The following ARHGAP24 variants were observed in gnomAD, a reference collection of about 807,000 sequenced individuals.
The protein encoded by ARHGAP24 is rho GTPase-activating protein 24.
A neutral mutation model predicts 76.4 loss-of-function variants in ARHGAP24; 50 were observed. That is an observed-to-expected ratio of 0.65 (90% CI 0.52 to 0.83). The LOEUF (loss-of-function observed/expected upper bound fraction) is 0.83. Ranked by LOEUF, ARHGAP24 falls within the 40% of genes least tolerant of loss-of-function variation. ARHGAP24 has a pLI of 0.00. For missense variants in ARHGAP24, 930 were observed against 914.2 expected (o/e 1.02, Z -0.22); for synonymous variants, 345 against 323.3 (o/e 1.07, Z -0.72).
chr4:85,982,215 G>A (rs1262059574), intron 8 of ARHGAP24, among the ~76,000 whole-genome samples: 1 of 151,724 alleles, frequency 6.6e-6, no homozygotes, highest in Non-Finnish European at 1.5e-5. Flanking sequence ...TTAAACTCTT[G>A]TTGCAAATCT....
rs754441547 is a variant in ARHGAP24, at chr4:85,974,960, A to C, written c.805A>C (p.Arg269=). 1 of 1,613,154 alleles carries C rather than the reference A, an allele frequency of 6.2e-7. No individual in the cohort carries two copies. Among genetic ancestry groups the C allele is most frequent in the African/African-American group, 1.3e-5 (1 of 74,928 alleles). ...VNYNLLKYIC[R]FLDEVQSYSG... is the part of the protein sequence containing the mutation. Reference sequence around the variant, plus strand: ...TTACAACCTCCTCAAGTATATTTGCAGGTAAGAACTGTCCTAAGGACAAAC... The same window carrying C: ...TTACAACCTCCTCAAGTATATTTGCCGGTAAGAACTGTCCTAAGGACAAAC... The change falls in exon 7 of 10, where the codon AGA becomes CGA. Residue 269 remains arginine (R), a splice_region_variant and synonymous_variant. Coordinates refer to ENST00000395184, the MANE Select transcript of ARHGAP24 (RefSeq NM_001025616.3).
At chr4:85,499,392 T>C (rs1455555430) in intron 1 of ARHGAP24, among the ~76,000 whole-genome samples, 1 of 152,212 alleles carries the variant, frequency 6.6e-6, no homozygotes, top group East Asian at 1.9e-4. Context: ...GCATATACTA[T>C]CACTAGCAAG....
At chr4:85,855,456 C>A (rs536569596) in intron 3 of ARHGAP24, among the ~76,000 whole-genome samples, 1 of 152,260 alleles carries the variant, frequency 6.6e-6, no homozygotes, top group South Asian at 2.1e-4. Flanking sequence ...CCTGTAATCC[C>A]AGTACTTAGG....
chr4:85,475,608 C>A (rs908866029), intron 1 of ARHGAP24, 49 bp downstream of exon 1: 1 of 147,566 alleles, frequency 6.8e-6, no homozygotes, highest in Non-Finnish European at 1.5e-5. Context: ...GCGGGAAGGA[C>A]GGACGCGGCT....
At position 85,534,779 on chromosome 4, in the gene ARHGAP24, T is replaced by C. The variant is rs74492764; in HGVS notation, c.-20-35743T>C. ...CGTCACCAGGATCATTCCTTATGAC[T>C]TCTCTAACCTAATGGAAGTGGAAGT... On this transcript the variant is annotated intron_variant, in intron 1 of 9. Transcript: ENST00000395184. Among the ~76,000 whole-genome samples, 1,012 of 152,128 alleles carry C rather than the reference T, an allele frequency of 6.7e-3. 18 individuals carry two copies. Among genetic ancestry groups the C allele is most frequent in the African/African-American group, 0.023 (970 of 41,512 alleles).
chr4:85,543,900 T>G (rs1025678512), intron 1 of ARHGAP24, among the ~76,000 whole-genome samples: 1 of 152,160 alleles, frequency 6.6e-6, no homozygotes, highest in Non-Finnish European at 1.5e-5. Flanking sequence ...TCATAGTAGT[T>G]TCATCATTCA....
chr4:85,788,616 T>C (rs1727967774), intron 3 of ARHGAP24, among the ~76,000 whole-genome samples: 1 of 152,184 alleles, frequency 6.6e-6, no homozygotes, highest in Non-Finnish European at 1.5e-5. Context: ...GCTTCAGATT[T>C]TAGTTTATAT....
At chr4:85,935,388 C>T (rs1736573778) in intron 4 of ARHGAP24, among the ~76,000 whole-genome samples, 1 of 152,058 alleles carries the variant, frequency 6.6e-6, no homozygotes, top group Admixed American at 6.5e-5. Flanking sequence ...TGTAGGTGCC[C>T]CTGAACAAAA....
chr4:85,552,196 T>C (rs1726166935), intron 1 of ARHGAP24, among the ~76,000 whole-genome samples: 1 of 152,190 alleles, frequency 6.6e-6, no homozygotes, highest in African/African-American at 2.4e-5. Context: ...GCTTTAGCTG[T>C]TTCCTAGACA....
chr4:85,578,741 G>C (rs1175589690), intron 2 of ARHGAP24, among the ~76,000 whole-genome samples: 3 of 47,142 alleles, frequency 6.4e-5, no homozygotes, highest in African/African-American at 1.9e-4. Context: ...ATTAGCTATT[G>C]ATGTTACTAT....
intron 3 of ARHGAP24, among the ~76,000 whole-genome samples, chr4:85,867,917 G>A (rs754161687): frequency 3.5e-4 from 12 of 34,642 alleles, no homozygotes; most frequent in Admixed American, 6.8e-4. Flanking sequence ...ATACATATAT[G>A]TACACACACA....
intron 5 of ARHGAP24, among the ~76,000 whole-genome samples, chr4:85,959,661 AT>A (rs1222881040): frequency 6.6e-6 from 1 of 152,150 alleles, no homozygotes; most frequent in Non-Finnish European, 1.5e-5. Flanking sequence ...GATTTCCGTG[AT>A]TCGTGTACAA....
At chr4:85,512,619 A>G (rs1724327532) in intron 1 of ARHGAP24, among the ~76,000 whole-genome samples, 1 of 152,240 alleles carries the variant, frequency 6.6e-6, no homozygotes, top group South Asian at 2.1e-4. Context: ...GGGGCTCCCT[A>G]GAATAACTCA....
intron 3 of ARHGAP24, among the ~76,000 whole-genome samples, chr4:85,895,197 A>G (rs898822524): frequency 6.6e-6 from 1 of 152,052 alleles, no homozygotes; most frequent in Admixed American, 6.6e-5. Flanking sequence ...CCCCCAAAAA[A>G]CTATTAAAAT....
intron 1 of ARHGAP24, among the ~76,000 whole-genome samples, chr4:85,520,664 GCTGCCATCT>G (rs1220080698): frequency 6.6e-6 from 1 of 152,162 alleles, no homozygotes; most frequent in Non-Finnish European, 1.5e-5. Flanking sequence ...CCATGTGTCA[GCTGCCATCT>G]CTGCAGGACC....
At chr4:85,895,253 A>G (rs565602064) in intron 3 of ARHGAP24, among the ~76,000 whole-genome samples, 1 of 152,160 alleles carries the variant, frequency 6.6e-6, no homozygotes, top group African/African-American at 2.4e-5. Context: ...TTGCTAAAGG[A>G]ATAAAAATAA....
chr4:85,598,842 G>C (rs1398494381), intron 2 of ARHGAP24, among the ~76,000 whole-genome samples: 2 of 150,534 alleles, frequency 1.3e-5, no homozygotes, highest in Non-Finnish European at 3.0e-5. Context: ...TACAGTGCAG[G>C]TCATAACTTT....
chr4:85,814,062 A>G (rs1729131016), intron 3 of ARHGAP24, among the ~76,000 whole-genome samples: 1 of 151,976 alleles, frequency 6.6e-6, no homozygotes, highest in Non-Finnish European at 1.5e-5. Context: ...TCAAACCATC[A>G]GATCTCATGA....
intron 3 of ARHGAP24, among the ~76,000 whole-genome samples, chr4:85,893,695 C>G (rs953817722): frequency 7.0e-5 from 10 of 141,996 alleles, no homozygotes; most frequent in African/African-American, 2.4e-4. Context: ...GGCCCCCACT[C>G]TCTTCTGGCT....
Sources: gnomAD v4.1 joint callset for allele counts (sites outside exome capture counted in the v4.1 genomes callset) on GRCh38, gnomAD v4.1.1 for gene constraint, MANE v1.5 for transcripts, NCBI Gene and HGNC (gene_info 2026-07-23, HGNC 2026-07-21) for gene names.